RAB38: variants seen among roughly 807,000 people sequenced by gnomAD.
The protein encoded by RAB38 is ras-related protein Rab-38.
RAB38 carries 15 observed loss-of-function variants against 18.4 expected under a neutral mutation model. The observed-to-expected ratio is 0.82, with a 90% CI of 0.55 to 1.26. RAB38 has a LOEUF of 1.26. RAB38 is among the 50% of genes most tolerant of loss of function. The pLI is 0.00. For missense variants in RAB38, 294 were observed against 267.4 expected (o/e 1.10, Z -0.69); for synonymous variants, 101 against 104.4 (o/e 0.97, Z 0.20).
chr11:87,939,681 G>C, the RAB38 span, among the ~76,000 whole-genome samples: 1 of 151,842 alleles, frequency 6.6e-6, no homozygotes, highest in Non-Finnish European at 1.5e-5. Flanking sequence ...AACATGGTGA[G>C]ACCCCCTCTG....
chr11:88,120,109 A>G (rs1455617876), intron 2 of RAB38, among the ~76,000 whole-genome samples: 1 of 152,160 alleles, frequency 6.6e-6, no homozygotes, highest in Non-Finnish European at 1.5e-5. Flanking sequence ...CCTCCACTGC[A>G]ATCATTAGCT....
chr11:87,938,803 A>C, the RAB38 span, among the ~76,000 whole-genome samples: 1 of 151,658 alleles, frequency 6.6e-6, no homozygotes, highest in South Asian at 2.1e-4. Flanking sequence ...ATAATTCACC[A>C]CTTTGTAGCT....
the RAB38 span, among the ~76,000 whole-genome samples, chr11:88,102,808 G>A: frequency 1.9e-3 from 283 of 152,074 alleles, no homozygotes; most frequent in African/African-American, 6.1e-3. Flanking sequence ...AGGCTTGCAC[G>A]CATCTCAGGC....
At chr11:88,120,288 T>C (rs1004568060) in intron 2 of RAB38, among the ~76,000 whole-genome samples, 2 of 151,976 alleles carry the variant, frequency 1.3e-5, no homozygotes, top group African/African-American at 2.4e-5. Flanking sequence ...GTCTCAGGGA[T>C]AGTAAGGGTC....
At chr11:88,134,640 C>G (rs1342015089) in intron 2 of RAB38, among the ~76,000 whole-genome samples, 1 of 152,158 alleles carries the variant, frequency 6.6e-6, no homozygotes, top group Non-Finnish European at 1.5e-5. Context: ...GCTAGGAAAT[C>G]CTGTGTCTGA....
At chr11:87,808,523 G>T in the RAB38 span, among the ~76,000 whole-genome samples, 1 of 152,144 alleles carries the variant, frequency 6.6e-6, no homozygotes, top group East Asian at 1.9e-4. Context: ...GAAGAATGAT[G>T]GTCACCAGGA....
chr11:88,174,838 G>C (rs2134864857), intron 1 of RAB38, among the ~76,000 whole-genome samples: 1 of 152,326 alleles, frequency 6.6e-6, no homozygotes, highest in South Asian at 2.1e-4. Flanking sequence ...ACACTGGGCT[G>C]CGTCATTGGC....
At chr11:87,957,373 C>A in the RAB38 span, among the ~76,000 whole-genome samples, 1 of 146,644 alleles carries the variant, frequency 6.8e-6, no homozygotes, top group Non-Finnish European at 1.5e-5. Context: ...GGATGACAGT[C>A]CTGTAACAAA....
the RAB38 span, among the ~76,000 whole-genome samples, chr11:88,087,129 C>T: frequency 6.6e-6 from 1 of 151,868 alleles, no homozygotes; most frequent in Non-Finnish European, 1.5e-5. Flanking sequence ...ACTTGCTGAG[C>T]AGAATGTGCC....
At chr11:87,881,705 G>A in the RAB38 span, among the ~76,000 whole-genome samples, 2 of 142,742 alleles carry the variant, frequency 1.4e-5, no homozygotes, top group Non-Finnish European at 3.0e-5. Flanking sequence ...GTTCTTTTTA[G>A]CCACTAAGTA....
At chr11:88,117,257 T>G (rs1370304663) in intron 2 of RAB38, among the ~76,000 whole-genome samples, 1 of 152,226 alleles carries the variant, frequency 6.6e-6, no homozygotes, top group East Asian at 1.9e-4. Context: ...ATACAGATGA[T>G]ACATCTCATT....
At chr11:88,112,745 G>A (rs1247689044), downstream of RAB38, among the ~76,000 whole-genome samples, 1 of 151,774 alleles carries the variant, frequency 6.6e-6, no homozygotes, top group Non-Finnish European at 1.5e-5. Flanking sequence ...CTGCACTCCA[G>A]CCTGGTGACA....
At chr11:87,851,751 T>A in the RAB38 span, among the ~76,000 whole-genome samples, 1 of 152,256 alleles carries the variant, frequency 6.6e-6, no homozygotes, top group African/African-American at 2.4e-5. Flanking sequence ...GCAGAGAGCC[T>A]GGGTCTTTCT....
intron 2 of RAB38, among the ~76,000 whole-genome samples, chr11:88,119,367 T>C (rs1942600364): frequency 6.6e-6 from 1 of 152,206 alleles, no homozygotes; most frequent in African/African-American, 2.4e-5. Flanking sequence ...ATTTTAAAAA[T>C]AAAGTTGTTC....
At chr11:88,121,752 C>T (rs777637376) in intron 2 of RAB38, among the ~76,000 whole-genome samples, 104 of 152,248 alleles carry the variant, frequency 6.8e-4, no homozygotes, top group African/African-American at 2.5e-3. Flanking sequence ...TTAGTAGAGA[C>T]GGGGTTTCAC....
the RAB38 span, among the ~76,000 whole-genome samples, chr11:87,839,968 G>A: frequency 6.6e-6 from 1 of 152,160 alleles, no homozygotes; most frequent in African/African-American, 2.4e-5. Flanking sequence ...AAGTACAGAG[G>A]ATGAAAACAA....
the RAB38 span, among the ~76,000 whole-genome samples, chr11:87,946,479 T>G: frequency 6.6e-6 from 1 of 152,126 alleles, no homozygotes; most frequent in Non-Finnish European, 1.5e-5. Context: ...CATGTTGGTG[T>G]GCTGCACCCA....
chr11:87,926,420 G>C, the RAB38 span, among the ~76,000 whole-genome samples: 1 of 152,034 alleles, frequency 6.6e-6, no homozygotes, highest in African/African-American at 2.4e-5. Context: ...CGGAAAGTGA[G>C]CTCACCTTTC....
At chr11:87,945,251 T>C in the RAB38 span, among the ~76,000 whole-genome samples, 1 of 152,158 alleles carries the variant, frequency 6.6e-6, no homozygotes, top group Non-Finnish European at 1.5e-5. Context: ...TAGCATTACT[T>C]TTATTTTGGC....
Sources: allele counts gnomAD v4.1 joint callset (sites outside exome capture counted in the v4.1 genomes callset), GRCh38; gene constraint gnomAD v4.1.1; transcripts MANE v1.5; gene names NCBI Gene and HGNC (gene_info 2026-07-23, HGNC 2026-07-21).